The following ZFAT variants were observed in gnomAD, a reference collection of about 807,000 sequenced individuals.
The protein encoded by ZFAT is zinc finger and AT-hook domain containing, also known as zinc finger protein ZFAT.
Under a neutral mutation model 117.7 loss-of-function variants are expected in ZFAT, and 64 were observed. The observed-to-expected ratio is 0.54, with a 90% CI of 0.44 to 0.67. The LOEUF (loss-of-function observed/expected upper bound fraction) is 0.67. Ranked by LOEUF, ZFAT falls within the 30% of genes least tolerant of loss-of-function variation. The pLI, the probability that ZFAT is intolerant of heterozygous loss-of-function variation, is 0.00. For synonymous variants in ZFAT, 679 were observed against 615.0 expected (o/e 1.10, Z -1.54); for missense variants, 1,433 against 1,584.5 (o/e 0.90, Z 1.62).
intron 3 of ZFAT, among the ~76,000 whole-genome samples, chr8:134,618,659 C>G (rs1256343215): frequency 6.6e-6 from 1 of 152,168 alleles, no homozygotes; most frequent in Non-Finnish European, 1.5e-5. Context: ...AAAATATTCT[C>G]TTTATGAGAT....
intron 3 of ZFAT, among the ~76,000 whole-genome samples, chr8:134,611,975 T>C (rs1828368014): frequency 6.6e-6 from 1 of 152,174 alleles, no homozygotes; most frequent in African/African-American, 2.4e-5. Context: ...AGCTTCGATA[T>C]CCAAGTGAAG....
At chr8:134,698,323 C>CA (rs35465168) in intron 1 of ZFAT, among the ~76,000 whole-genome samples, 50,459 of 127,172 alleles carry the variant, frequency 0.4, 10,410 homozygotes, top group South Asian at 0.5. Flanking sequence ...GACTCCATCT[C>CA]AAAAAAAAAA....
chr8:134,748,842 T>C, the ZFAT span, among the ~76,000 whole-genome samples: 1 of 152,330 alleles, frequency 6.6e-6, no homozygotes, highest in South Asian at 2.1e-4. Flanking sequence ...ATATGTTCTT[T>C]GGCCATTTTA....
At chr8:134,502,676 G>A (rs1431083975) in intron 15 of ZFAT, among the ~76,000 whole-genome samples, 1 of 152,182 alleles carries the variant, frequency 6.6e-6, no homozygotes, top group Non-Finnish European at 1.5e-5. Flanking sequence ...GAAGAAGGTG[G>A]GGTGATTTGG....
chr8:134,478,454 C>A lies in ZFAT; in HGVS notation c.*28G>T, dbSNP rs768181000. ...TGCCTGCAGAGCCTGGCAGCCCCGC[C>A]CTGTGGCCATCCGATGCCACATGTC... On this transcript the variant is annotated 3_prime_UTR_variant, in exon 16 of 16. Transcript: ENST00000377838. The surrounding 1 kb of genome is among the most constrained non-coding windows in gnomAD (Gnocchi z 5.2). 4.7e-5 allele frequency: 73 copies of A among 1,547,176 alleles called. No individual in the cohort carries two copies. The highest frequency in any genetic ancestry group is 1.2e-4 in the Admixed American group (6 of 51,056).
chr8:134,819,861 C>G, the ZFAT span, among the ~76,000 whole-genome samples: 1 of 151,602 alleles, frequency 6.6e-6, no homozygotes, highest in African/African-American at 2.4e-5. Context: ...TAGCTTCTCA[C>G]GGGGGGAAGA....
At chr8:134,670,449 CA>C in intron 1 of ZFAT, among the ~76,000 whole-genome samples, 2 of 152,372 alleles carry the variant, frequency 1.3e-5, no homozygotes, top group African/African-American at 4.8e-5. Flanking sequence ...TTAAGAAACT[CA>C]ATCAAAATCG....
In ZFAT at chr8:134,588,495, G is replaced by C. The variant is rs1826223778; in HGVS notation, c.2564-100C>G. 2.3e-6 allele frequency: 3 copies of C among 1,309,356 alleles called. No homozygotes were observed. The East Asian group carries it at 7.8e-5, about 34-fold the overall frequency. 81.1% of individuals were successfully genotyped at this position (1,309,356 alleles called of 1,614,324 possible). On this transcript the variant is annotated intron_variant, in intron 8 of 15. Transcript: ENST00000377838. ...AAGCAGCACCCACAGGAGGAATCAA[G>C]GTGTGCCTCATGGTGTCCAGAGACA...
rs566988286 is a variant in ZFAT at position 134,593,040 on chromosome 8, G to A, written c.2476-2685C>T. Among the ~76,000 whole-genome samples the A allele has an allele frequency of 2.0e-5, 3 of 152,234 alleles. No individual in the cohort carries two copies. In the East Asian group the frequency reaches 5.8e-4, roughly 29 times the overall value. On this transcript the variant is annotated intron_variant, in intron 7 of 15. Transcript: ENST00000377838. ...TACACCACAGGCTCAGGGCTCCTCA[G>A]AGCACTCCTGTCACTGTCCTCCTCT... is the stretch of plus-strand genomic sequence containing the variant.
intron 5 of ZFAT, among the ~76,000 whole-genome samples, chr8:134,605,433 C>A (rs1007184233): frequency 2.0e-5 from 3 of 151,944 alleles, no homozygotes; most frequent in African/African-American, 7.3e-5. Flanking sequence ...GCAGTCCCAG[C>A]TACTCGGGAG....
chr8:134,776,295 C>T, the ZFAT span, among the ~76,000 whole-genome samples: 1 of 152,118 alleles, frequency 6.6e-6, no homozygotes, highest in Admixed American at 6.6e-5. Context: ...TCAAAGTCAC[C>T]CCTCCACCCT....
In ZFAT at chr8:134,657,592, A is replaced by T; in HGVS notation, c.165T>A (p.Pro55=). ...IIIPLRPLST[P]EPPNSSKTGD... ...CGGTTTTGCTTGAGTTGGGGGGTTC[A>T]GGTGTACTCAGAGGCCTAAGGGGAA... Residue 55 remains proline, a synonymous_variant, in exon 2 of 16, where the codon CCT becomes CCA. Transcript: ENST00000377838. 6.2e-7 allele frequency: 1 copy of T among 1,613,602 alleles called. No individual in the cohort carries two copies.
chr8:134,704,896 A>G (rs979202462), intron 1 of ZFAT, among the ~76,000 whole-genome samples: 1 of 147,324 alleles, frequency 6.8e-6, no homozygotes, highest in Admixed American at 6.8e-5. Context: ...ATAAACCTTT[A>G]AAAAAAAAAA....
intron 3 of ZFAT, among the ~76,000 whole-genome samples, chr8:134,633,653 C>T (rs1039592475): frequency 6.6e-6 from 1 of 152,222 alleles, no homozygotes; most frequent in East Asian, 1.9e-4. Context: ...GCCCACCTCG[C>T]TCACAACCAG....
chr8:134,524,282 C>G (rs574533508), intron 12 of ZFAT, among the ~76,000 whole-genome samples: 2 of 152,312 alleles, frequency 1.3e-5, no homozygotes, highest in South Asian at 4.2e-4. Context: ...GGAGTCTCCA[C>G]TTCCAAGAAC....
chr8:134,528,242 C>T (rs1298416114), intron 12 of ZFAT, among the ~76,000 whole-genome samples: 1 of 152,244 alleles, frequency 6.6e-6, no homozygotes, highest in African/African-American at 2.4e-5. Context: ...GTCATTAGCA[C>T]TCCCTTCATT....
intron 9 of ZFAT, among the ~76,000 whole-genome samples, chr8:134,585,618 T>C (rs923467724): frequency 3.9e-5 from 6 of 152,196 alleles, no homozygotes; most frequent in African/African-American, 1.4e-4. Context: ...ACGGGCCGGC[T>C]GTGGAACCCT....
chr8:134,478,309 C>T lies in ZFAT; in HGVS notation c.*173G>A. 1 of 870,196 alleles carries T rather than the reference C, an allele frequency of 1.1e-6. No homozygotes were observed. The highest frequency in any genetic ancestry group is 1.7e-6 in the Non-Finnish European group (1 of 582,162). The allele number at this position is 870,196 out of a possible 1,614,324, so 53.9% of individuals were successfully genotyped here. A position where few individuals can be genotyped will look rare whatever the true frequency, so the allele number is the denominator to read the frequency against. ...GGGTCCTGTGGTATTGCTGGTGATG[C>T]TGACTGCCTTGCCCACCCCAAGTTG... On this transcript the variant is annotated 3_prime_UTR_variant, in exon 16 of 16. Transcript: ENST00000377838. This position sits in a 1 kb window ranked among gnomAD's most constrained non-coding sequence, Gnocchi z 5.2.
the ZFAT span, among the ~76,000 whole-genome samples, chr8:134,806,881 A>G: frequency 6.6e-6 from 1 of 152,228 alleles, no homozygotes; most frequent in African/African-American, 2.4e-5. Flanking sequence ...AATCTTTGTA[A>G]TAATACACAG....
Sources: allele counts gnomAD v4.1 joint callset (sites outside exome capture counted in the v4.1 genomes callset), GRCh38; gene constraint gnomAD v4.1.1; non-coding constraint Gnocchi (gnomAD v3.1); transcripts MANE v1.5; gene names NCBI Gene and HGNC (gene_info 2026-07-23, HGNC 2026-07-21).